The following CDC42SE2 variants were observed in gnomAD, a reference collection of about 807,000 sequenced individuals.
The protein encoded by CDC42SE2 is CDC42 small effector protein 2.
Under a neutral mutation model 11.5 loss-of-function variants are expected in CDC42SE2, and 3 were observed. The observed-to-expected ratio is 0.26, with a 90% CI of 0.12 to 0.67. The LOEUF is 0.67. Ranked by LOEUF, CDC42SE2 falls within the 30% of genes least tolerant of loss-of-function variation. The probability of loss-of-function intolerance (pLI) is 0.80; values close to 1 mark genes in which losing one functional copy is unlikely to be tolerated. For missense variants in CDC42SE2, 82 were observed against 106.8 expected (o/e 0.77, Z 1.02); for synonymous variants, 33 against 34.8 (o/e 0.95, Z 0.18).
At chr5:131,317,293 T>C (rs752494845) in intron 2 of CDC42SE2, among the ~76,000 whole-genome samples, 1 of 152,214 alleles carries the variant, frequency 6.6e-6, no homozygotes, top group Non-Finnish European at 1.5e-5. Flanking sequence ...TTCTCTCCTT[T>C]ATGTTTGAGT....
intron 1 of CDC42SE2, among the ~76,000 whole-genome samples, chr5:131,292,921 A>AC (rs1293582660): frequency 0.056 from 7,720 of 138,996 alleles, 729 homozygotes; most frequent in African/African-American, 0.17. Flanking sequence ...AAAAAAAAAA[A>AC]AAAAAAAAAA....
At chr5:131,267,014 G>C (rs1329664531) in intron 1 of CDC42SE2, among the ~76,000 whole-genome samples, 1 of 134,900 alleles carries the variant, frequency 7.4e-6, no homozygotes, top group Non-Finnish European at 1.5e-5. Flanking sequence ...ACAATCAGCA[G>C]CTGCGTTAAA....
rs915724624 is a variant in CDC42SE2 at position 131,391,750 on chromosome 5, ATTAAT to A, written c.*661_*665del. 3 of 152,226 alleles carry A rather than the reference ATTAAT, an allele frequency of 2.0e-5. No individual in the cohort carries two copies. The highest frequency in any genetic ancestry group is 7.2e-5 in the African/African-American group (3 of 41,462). 9.4% of individuals were successfully genotyped at this position (152,226 alleles called of 1,614,324 possible). ...ACTTCATTGTTTATAAACTTTTCAA[ATTAAT>A]TAAAAAGACTACTTTGAAAAAGGAT... On this transcript the variant is annotated 3_prime_UTR_variant, in exon 5 of 5. Coordinates refer to ENST00000505065, the MANE Select transcript of CDC42SE2 (RefSeq NM_001375635.1).
the CDC42SE2 span, among the ~76,000 whole-genome samples, chr5:131,221,490 C>T: frequency 1.3e-4 from 20 of 151,752 alleles, no homozygotes; most frequent in Non-Finnish European, 2.1e-4. Flanking sequence ...GTATGCAAAG[C>T]AGCACAGCAT....
At chr5:131,287,161 AT>A (rs1676449827) in intron 1 of CDC42SE2, among the ~76,000 whole-genome samples, 1 of 149,978 alleles carries the variant, frequency 6.7e-6, no homozygotes, top group African/African-American at 2.5e-5. Flanking sequence ...TGCCCAGCTA[AT>A]TTTTGTATTT....
At chr5:131,254,108 A>G (rs1289646262) in intron 1 of CDC42SE2, among the ~76,000 whole-genome samples, 1 of 152,166 alleles carries the variant, frequency 6.6e-6, no homozygotes, top group Non-Finnish European at 1.5e-5. Context: ...ATAGGTATAC[A>G]TGTGCCACGT....
At chr5:131,310,064 G>C (rs921502605) in intron 1 of CDC42SE2, among the ~76,000 whole-genome samples, 74 of 152,010 alleles carry the variant, frequency 4.9e-4, no homozygotes, top group African/African-American at 1.7e-3. Flanking sequence ...GATCTTTCCT[G>C]CTTTCTGTTG....
At chr5:131,298,924 A>AGGTATATT (rs2149714631) in intron 1 of CDC42SE2, among the ~76,000 whole-genome samples, 1 of 152,296 alleles carries the variant, frequency 6.6e-6, no homozygotes, top group South Asian at 2.1e-4. Flanking sequence ...GGAAGGTACA[A>AGGTATATT]GGTATATTGG....
chr5:131,257,721 A>G (rs1756689782), intron 2 of CDC42SE2, among the ~76,000 whole-genome samples: 1 of 151,848 alleles, frequency 6.6e-6, no homozygotes, highest in Non-Finnish European at 1.5e-5. Flanking sequence ...CAGGCAATCC[A>G]CCTGCCTTGG....
chr5:131,295,051 T>G (rs1384008459), intron 1 of CDC42SE2, among the ~76,000 whole-genome samples: 2 of 151,428 alleles, frequency 1.3e-5, no homozygotes, highest in Non-Finnish European at 2.9e-5. Flanking sequence ...CGCTTGAACC[T>G]GGGAGGCGGA....
At chr5:131,299,239 C>G (rs1463540175) in intron 1 of CDC42SE2, among the ~76,000 whole-genome samples, 1 of 152,130 alleles carries the variant, frequency 6.6e-6, no homozygotes, top group Non-Finnish European at 1.5e-5. Flanking sequence ...ATAACATGAT[C>G]AGACATTCAT....
At chr5:131,325,271 C>T (rs952665117) in intron 2 of CDC42SE2, among the ~76,000 whole-genome samples, 1 of 152,192 alleles carries the variant, frequency 6.6e-6, no homozygotes, top group Admixed American at 6.5e-5. Context: ...CCAATCTACA[C>T]AGCTACTATA....
intron 1 of CDC42SE2, among the ~76,000 whole-genome samples, chr5:131,268,555 C>T (rs1756921530): frequency 6.6e-6 from 1 of 150,822 alleles, no homozygotes; most frequent in Non-Finnish European, 1.5e-5. Context: ...CCGGTTCAAA[C>T]AATTCTCCTG....
intron 2 of CDC42SE2, among the ~76,000 whole-genome samples, chr5:131,342,483 A>C (rs572531172): frequency 2.0e-4 from 28 of 137,282 alleles, no homozygotes; most frequent in African/African-American, 7.4e-4. Context: ...TCCGCCTCTC[A>C]GGTTCAAGTG....
rs1273711961 is a variant in CDC42SE2, at chr5:131,393,258, A to AAAAC, written c.*2169_*2172dup. On this transcript the variant is annotated 3_prime_UTR_variant, in exon 5 of 5. Coordinates refer to ENST00000505065, the MANE Select transcript of CDC42SE2 (RefSeq NM_001375635.1). ...ATTTACCTTAGTCCAAGATTCTTGC[A>AAAAC]AAACAGGCAACTGAACAAACATTAG... 11 of 152,378 alleles carry AAAAC rather than the reference A, an allele frequency of 7.2e-5. No homozygotes were observed. Among genetic ancestry groups the AAAAC allele is most frequent in the Admixed American group, 6.5e-5 (1 of 15,286 alleles). The allele number at this position is 152,378 out of a possible 1,614,324, so 9.4% of individuals were successfully genotyped here. A position where few individuals can be genotyped will look rare whatever the true frequency, so the allele number is the denominator to read the frequency against.
chr5:131,276,855 G>A (rs1757112879), intron 1 of CDC42SE2, among the ~76,000 whole-genome samples: 1 of 151,652 alleles, frequency 6.6e-6, no homozygotes, highest in Non-Finnish European at 1.5e-5. Context: ...AGCCTCCCTA[G>A]TAGCTGGGAT....
chr5:131,310,827 G>A (rs574506050), intron 1 of CDC42SE2, among the ~76,000 whole-genome samples: 7 of 151,766 alleles, frequency 4.6e-5, no homozygotes, highest in African/African-American at 9.7e-5. Context: ...TATTTTGAGC[G>A]TATGTGTGTC....
In CDC42SE2 at chr5:131,392,460, ACAT is replaced by A. The variant is rs1750688947; in HGVS notation, c.*1373_*1375del. 2.0e-5 allele frequency: 3 copies of A among 152,820 alleles called. No individual in the cohort carries two copies. In the South Asian group the frequency reaches 6.2e-4, roughly 32 times the overall value. 9.5% of individuals were successfully genotyped at this position (152,820 alleles called of 1,614,324 possible). A position where few individuals can be genotyped will look rare whatever the true frequency, so the allele number is the denominator to read the frequency against. ...TAAAGTTTAGCTGTGGCACCAAGTC[ACAT>A]CATTTTCATAGAAAAAGATTACTTG... On this transcript the variant is annotated 3_prime_UTR_variant, in exon 5 of 5. Coordinates refer to ENST00000505065, the MANE Select transcript of CDC42SE2 (RefSeq NM_001375635.1).
chr5:131,244,222 T>C (rs1421000975), upstream of CDC42SE2, among the ~76,000 whole-genome samples: 1 of 152,188 alleles, frequency 6.6e-6, no homozygotes, highest in African/African-American at 2.4e-5. Context: ...TAACTACAAA[T>C]ACGATTAGAC....
Sources: gnomAD v4.1 joint callset for allele counts (sites outside exome capture counted in the v4.1 genomes callset) on GRCh38, gnomAD v4.1.1 for gene constraint, MANE v1.5 for transcripts, NCBI Gene and HGNC (gene_info 2026-07-23, HGNC 2026-07-21) for gene names.